TRPM3: variants seen among roughly 807,000 people sequenced by gnomAD.
TRPM3 encodes transient receptor potential cation channel subfamily M member 3.
TRPM3 carries 77 observed loss-of-function variants against 181.2 expected under a neutral mutation model. The observed-to-expected ratio is 0.42, with a 90% confidence interval of 0.35 to 0.51. TRPM3 has a LOEUF of 0.51. Ranked by LOEUF, TRPM3 falls within the 20% of genes least tolerant of loss-of-function variation. The probability of loss-of-function intolerance (pLI) is 0.01; values close to 1 mark genes in which losing one functional copy is unlikely to be tolerated. For synonymous variants in TRPM3, 745 were observed against 796.4 expected (o/e 0.94, Z 1.09); for missense variants, 1,759 against 2,196.7 (o/e 0.80, Z 3.98).
chr9:70,884,792 A>C (rs2096060320), intron 1 of TRPM3, among the ~76,000 whole-genome samples: 2 of 152,168 alleles, frequency 1.3e-5, no homozygotes, highest in South Asian at 4.1e-4. Flanking sequence ...ATGTATTAGA[A>C]AACAGGCTGA....
At chr9:70,582,053 A>G (rs1407380678) in intron 22 of TRPM3, among the ~76,000 whole-genome samples, 1 of 151,760 alleles carries the variant, frequency 6.6e-6, no homozygotes, top group African/African-American at 2.4e-5. Flanking sequence ...TTTTCAATAG[A>G]TATTTCTTGA....
At chr9:70,801,356 C>A (rs758175499) in intron 6 of TRPM3, among the ~76,000 whole-genome samples, 10 of 152,182 alleles carry the variant, frequency 6.6e-5, no homozygotes, top group Non-Finnish European at 1.3e-4. Context: ...TTTCTCGCTC[C>A]GTCTAAATCA....
intron 1 of TRPM3, among the ~76,000 whole-genome samples, chr9:70,938,659 G>C (rs1332283263): frequency 6.6e-6 from 1 of 152,012 alleles, no homozygotes; most frequent in African/African-American, 2.4e-5. Context: ...TCCATCATTA[G>C]ACATTCATTT....
intron 11 of TRPM3, among the ~76,000 whole-genome samples, chr9:70,638,774 T>G (rs2057612868): frequency 6.6e-6 from 1 of 152,198 alleles, no homozygotes. Flanking sequence ...GAACAAACTG[T>G]GTTCTCATTT....
At chr9:70,958,244 G>C (rs569745950) in intron 1 of TRPM3, among the ~76,000 whole-genome samples, 1 of 152,032 alleles carries the variant, frequency 6.6e-6, no homozygotes, top group African/African-American at 2.4e-5. Flanking sequence ...AAGTTTGTAT[G>C]GTTCTGTGCT....
rs562228094 is a variant in TRPM3, at chr9:70,869,610, T to C, written c.178-5099A>G. Among the ~76,000 whole-genome samples the C allele has an allele frequency of 1.2e-3, 187 of 152,164 alleles. 1 individual carries two copies. Among genetic ancestry groups the C allele is most frequent in the Non-Finnish European group, 1.8e-3 (119 of 67,964 alleles). On this transcript the variant is annotated intron_variant, in intron 1 of 25. Coordinates refer to ENST00000677713, the MANE Select transcript of TRPM3 (RefSeq NM_001366145.2). ...TCCCTGAACATGGGCCTAAGAAGAA[T>C]GAAGTTGGAGTTTGTCGGGGACCTT...
intron 9 of TRPM3, among the ~76,000 whole-genome samples, chr9:70,655,785 G>A (rs1216735839): frequency 6.6e-6 from 1 of 152,134 alleles, no homozygotes; most frequent in Non-Finnish European, 1.5e-5. Context: ...TTAAAGCTAT[G>A]TAGCTGATAA....
At chr9:71,399,925 G>C (rs745923178) in intron 1 of TRPM3, among the ~76,000 whole-genome samples, 22 of 151,942 alleles carry the variant, frequency 1.4e-4, no homozygotes, top group Non-Finnish European at 2.8e-4. Context: ...AAAAAATCCT[G>C]GCCTGGGTGT....
chr9:71,118,666 TG>T (rs933772183), intron 1 of TRPM3, among the ~76,000 whole-genome samples: 3 of 152,096 alleles, frequency 2.0e-5, no homozygotes, highest in African/African-American at 7.2e-5. Flanking sequence ...GAACAATGCT[TG>T]GAAGAGGAAT....
intron 22 of TRPM3, among the ~76,000 whole-genome samples, chr9:70,561,189 C>T (rs900669918): frequency 1.3e-5 from 2 of 152,078 alleles, no homozygotes; most frequent in African/African-American, 4.8e-5. Flanking sequence ...TCTAAAAATC[C>T]ATCTTGAAAA....
chr9:71,360,046 G>A (rs1470724298), intron 1 of TRPM3, among the ~76,000 whole-genome samples: 1 of 152,186 alleles, frequency 6.6e-6, no homozygotes, highest in Non-Finnish European at 1.5e-5. Context: ...AACAGTGCTA[G>A]AGGAAGAGTG....
intron 1 of TRPM3, among the ~76,000 whole-genome samples, chr9:71,411,123 A>G (rs962873540): frequency 1.3e-5 from 2 of 152,232 alleles, no homozygotes; most frequent in African/African-American, 4.8e-5. Flanking sequence ...AGAGCTATCT[A>G]TGACAAACCC....
At chr9:71,036,895 C>G (rs969227865) in intron 1 of TRPM3, among the ~76,000 whole-genome samples, 3 of 152,132 alleles carry the variant, frequency 2.0e-5, no homozygotes, top group African/African-American at 7.2e-5. Context: ...AGACACAAAT[C>G]AGAGATTTTT....
chr9:70,654,153 T>C (rs1425656360), intron 9 of TRPM3, among the ~76,000 whole-genome samples: 2 of 152,150 alleles, frequency 1.3e-5, no homozygotes, highest in Non-Finnish European at 2.9e-5. Flanking sequence ...ATCTTCTCTA[T>C]TGCTTTTTCT....
intron 6 of TRPM3, among the ~76,000 whole-genome samples, chr9:70,789,273 C>A (rs777641864): frequency 6.6e-6 from 1 of 152,114 alleles, no homozygotes; most frequent in African/African-American, 2.4e-5. Context: ...ACTGCATATC[C>A]AGCTGGGCTG....
chr9:71,229,733 G>A (rs571778363), intron 1 of TRPM3, among the ~76,000 whole-genome samples: 20 of 151,928 alleles, frequency 1.3e-4, no homozygotes, highest in Non-Finnish European at 2.8e-4. Context: ...CTACAGTAAG[G>A]TATCACCTCA....
intron 1 of TRPM3, among the ~76,000 whole-genome samples, chr9:71,071,894 TTCTC>T (rs1039676328): frequency 3.3e-5 from 5 of 152,140 alleles, no homozygotes; most frequent in African/African-American, 9.7e-5. Flanking sequence ...CTTCAGGTCT[TTCTC>T]TCTCTCCTTT....
At chr9:70,612,992 G>A (rs1408779876) in intron 18 of TRPM3, among the ~76,000 whole-genome samples, 2 of 152,202 alleles carry the variant, frequency 1.3e-5, no homozygotes, top group Non-Finnish European at 2.9e-5. Context: ...TCCTGGGTCT[G>A]TGGACTTGTG....
rs370356542 is a variant in TRPM3, at chr9:71,357,827, C to T, written c.183+88826G>A. Among the ~76,000 whole-genome samples, 329 of 151,892 alleles carry T rather than the reference C, an allele frequency of 2.2e-3. 2 individuals are homozygous for T. The highest frequency in any genetic ancestry group is 3.6e-3 in the Non-Finnish European group (244 of 67,948). On this transcript the variant is annotated intron_variant, in intron 1 of 24. Transcript: ENST00000357533. ...GATTGAGTCAAATAACTATTCAGTT[C>T]CAAAGCTTTTCCTATGAATCTGTTA... is the stretch of plus-strand genomic sequence containing the variant.
Sources: allele counts gnomAD v4.1 joint callset (sites outside exome capture counted in the v4.1 genomes callset), GRCh38; gene constraint gnomAD v4.1.1; transcripts MANE v1.5; gene names NCBI Gene and HGNC (gene_info 2026-07-23, HGNC 2026-07-21).